The following SMURF2 variants were observed in gnomAD, a reference collection of about 807,000 sequenced individuals.
SMURF2 encodes SMAD specific E3 ubiquitin protein ligase 2, also known as E3 ubiquitin-protein ligase SMURF2.
SMURF2 carries 48 observed loss-of-function variants against 109.6 expected under a neutral mutation model. The observed-to-expected ratio is 0.44, with a 90% CI of 0.35 to 0.56. The LOEUF is 0.56. SMURF2 is among the 20% of genes least tolerant of loss of function. The pLI is 0.01. For missense variants in SMURF2, 575 were observed against 909.0 expected (o/e 0.63, Z 4.72); for synonymous variants, 288 against 317.1 (o/e 0.91, Z 0.97).
At position 64,545,325 on chromosome 17, in the gene SMURF2, T is replaced by C. The variant is rs1476112751; in HGVS notation, c.*523A>G. 1.3e-5 allele frequency: 2 copies of C among 152,658 alleles called. No homozygotes were observed. Among genetic ancestry groups the C allele is most frequent in the Non-Finnish European group, 2.9e-5 (2 of 68,046 alleles). 9.5% of individuals were successfully genotyped at this position (152,658 alleles called of 1,614,324 possible). Reference sequence around the variant, plus strand: ...TGTAAATGGCTTAATTTCTTAAAGATGATTCTTTTAGCCAATTGTTTACAA... The same window carrying C: ...TGTAAATGGCTTAATTTCTTAAAGACGATTCTTTTAGCCAATTGTTTACAA... On this transcript the variant is annotated 3_prime_UTR_variant, in exon 19 of 19. Transcript: ENST00000262435.
chr17:64,646,495 C>CA (rs1970561755), intron 1 of SMURF2, among the ~76,000 whole-genome samples: 1 of 151,738 alleles, frequency 6.6e-6, no homozygotes, highest in Admixed American at 6.6e-5. Flanking sequence ...GCCATCCTCC[C>CA]ACCTCAGCCT....
Position 64,581,033 on chromosome 17 carries a change from AT to A in SMURF2, c.570-43del. On this transcript the variant is annotated intron_variant, in intron 7 of 18. Coordinates refer to ENST00000262435, the MANE Select transcript of SMURF2 (RefSeq NM_022739.4). This position sits in a 1 kb window ranked among gnomAD's most constrained non-coding sequence, Gnocchi z 4.3. ...AGGAAAAGATGTTATCAATTTAGAT[AT>A]CAAAAGTAGAGTTCTCTAGACAATA... The A allele has an allele frequency of 6.3e-7, 1 of 1,583,036 alleles. No individual in the cohort carries two copies. Among genetic ancestry groups the A allele is most frequent in the African/African-American group, 1.3e-5 (1 of 74,324 alleles).
chr17:64,556,441 C>T (rs1555684056), intron 13 of SMURF2, among the ~76,000 whole-genome samples: 2 of 152,156 alleles, frequency 1.3e-5, no homozygotes, highest in African/African-American at 4.8e-5. Context: ...TGGTGTCAGA[C>T]TTGAATTAGA....
intron 3 of SMURF2, among the ~76,000 whole-genome samples, chr17:64,597,834 A>G (rs1452010326): frequency 5.3e-5 from 8 of 152,082 alleles, no homozygotes; most frequent in African/African-American, 1.2e-4. Flanking sequence ...AATAAAATAC[A>G]TATCTAGAAA....
At chr17:64,556,212 AG>A (rs1204570193) in intron 13 of SMURF2, among the ~76,000 whole-genome samples, 1 of 152,112 alleles carries the variant, frequency 6.6e-6, no homozygotes, top group African/African-American at 2.4e-5. Flanking sequence ...CCCTTCTCGC[AG>A]GGGCCAGTCA....
chr17:64,605,265 G>C (rs1555688928), intron 2 of SMURF2, among the ~76,000 whole-genome samples: 3 of 152,060 alleles, frequency 2.0e-5, no homozygotes, highest in Non-Finnish European at 4.4e-5. Flanking sequence ...TGCGTCCTAT[G>C]TTCCAAATTA....
chr17:64,661,368 G>A (rs73997005), intron 1 of SMURF2, among the ~76,000 whole-genome samples: 2,224 of 152,096 alleles, frequency 0.015, 53 homozygotes, highest in African/African-American at 0.052. Context: ...GTAACAACCC[G>A]GGAACACACA....
At chr17:64,609,403 G>A (rs183834388) in intron 1 of SMURF2, among the ~76,000 whole-genome samples, 35 of 152,216 alleles carry the variant, frequency 2.3e-4, no homozygotes, top group African/African-American at 5.3e-4. Context: ...AAAACAGCAC[G>A]GTACTGGTAC....
intron 1 of SMURF2, among the ~76,000 whole-genome samples, chr17:64,631,342 CAGAG>C (rs1192486030): frequency 1.1e-5 from 1 of 90,358 alleles, no homozygotes; most frequent in Non-Finnish European, 2.3e-5. Flanking sequence ...GAGAGAGAGA[CAGAG>C]AGATGAAAAC....
At chr17:64,559,936 TAG>T (rs1555684378) in intron 12 of SMURF2, among the ~76,000 whole-genome samples, 1 of 151,616 alleles carries the variant, frequency 6.6e-6, no homozygotes, top group Non-Finnish European at 1.5e-5. Flanking sequence ...TAGTTTTTAG[TAG>T]AGACGGGGTT....
chr17:64,609,544 T>C (rs954982957), intron 1 of SMURF2, among the ~76,000 whole-genome samples: 2 of 152,144 alleles, frequency 1.3e-5, no homozygotes, highest in Non-Finnish European at 2.9e-5. Context: ...ATGTAATAAA[T>C]GGTGTTGGGA....
intron 9 of SMURF2, among the ~76,000 whole-genome samples, chr17:64,576,836 G>GTTCCGTTA (rs1375312078): frequency 8.2e-6 from 1 of 121,830 alleles, no homozygotes; most frequent in Non-Finnish European, 1.8e-5. Flanking sequence ...AAGGGTATGT[G>GTTCCGTTA]TTCCGTTATT....
chr17:64,631,292 GAGAGA>G (rs1970342593), intron 1 of SMURF2, among the ~76,000 whole-genome samples: 1 of 88,580 alleles, frequency 1.1e-5, no homozygotes, highest in African/African-American at 6.5e-5. Flanking sequence ...GAGAGAGAGA[GAGAGA>G]GAGAGAGAGA....
intron 1 of SMURF2, among the ~76,000 whole-genome samples, chr17:64,653,328 T>C (rs1970663027): frequency 6.6e-6 from 1 of 151,954 alleles, no homozygotes; most frequent in African/African-American, 2.4e-5. Flanking sequence ...GAAGTAAAAA[T>C]TAAAGTACCA....
At position 64,661,872 on chromosome 17, in the gene SMURF2, G is replaced by C. The variant is rs923045599; in HGVS notation, c.9C>G (p.Asn3Lys). The C allele has an allele frequency of 2.5e-6, 3 of 1,213,674 alleles. No homozygotes were observed. The highest frequency in any genetic ancestry group is 3.2e-5 in the African/African-American group (2 of 63,134). The allele number at this position is 1,213,674 out of a possible 1,614,324, so 75.2% of individuals were successfully genotyped here. A position where few individuals can be genotyped will look rare whatever the true frequency, so the allele number is the denominator to read the frequency against. MS[N>K]PGGRRNGPVK... ...CGGGCCCGTTCCTCCGGCCTCCGGG[G>C]TTAGACATGTCCCCGGCGGCGGGGG... The change falls in exon 1 of 19, where the codon AAC becomes AAG. Residue 3 changes from asparagine to lysine, a missense_variant. By Grantham distance (94) the Asn-to-Lys change is moderately conservative. Transcript: ENST00000262435.
intron 6 of SMURF2, among the ~76,000 whole-genome samples, chr17:64,584,377 T>TTTTTTTTTTTTA (rs1969621585): frequency 6.9e-6 from 1 of 145,540 alleles, no homozygotes; most frequent in African/African-American, 2.7e-5. Context: ...TTTTTTTTTT[T>TTTTTTTTTTTTA]GAGACAGAGT....
At chr17:64,632,582 C>T (rs891851207) in intron 1 of SMURF2, among the ~76,000 whole-genome samples, 1 of 152,188 alleles carries the variant, frequency 6.6e-6, no homozygotes, top group Non-Finnish European at 1.5e-5. Flanking sequence ...CCTATTTGAC[C>T]TAAAACCTGG....
Position 64,662,292 on chromosome 17 carries a change from A to AC in SMURF2, c.-413dup. 2 of 972,492 alleles carry AC rather than the reference A, an allele frequency of 2.1e-6. No homozygotes were observed. The highest frequency in any genetic ancestry group is 2.4e-6 in the Non-Finnish European group (2 of 822,344). The allele number at this position is 972,492 out of a possible 1,614,324, so 60.2% of individuals were successfully genotyped here. A position where few individuals can be genotyped will look rare whatever the true frequency, so the allele number is the denominator to read the frequency against. On this transcript the variant is annotated 5_prime_UTR_variant, in exon 1 of 19. Transcript: ENST00000262435. Reference sequence around the variant, plus strand: ...TCTGGGCTCGGCCGCTTCCTCCTCCACCCGCCCTCTTGTCTGAGGGACCCG... The same window carrying AC: ...TCTGGGCTCGGCCGCTTCCTCCTCCACCCCGCCCTCTTGTCTGAGGGACCCG...
chr17:64,656,653 T>TA (rs139409210), intron 1 of SMURF2, among the ~76,000 whole-genome samples: 4 of 150,016 alleles, frequency 2.7e-5, no homozygotes, highest in Non-Finnish European at 4.4e-5. Flanking sequence ...GGAAGCATCC[T>TA]AAAAAAAAAG....
Sources: allele counts gnomAD v4.1 joint callset (sites outside exome capture counted in the v4.1 genomes callset), GRCh38; gene constraint gnomAD v4.1.1; non-coding constraint Gnocchi (gnomAD v3.1); transcripts MANE v1.5; gene names NCBI Gene and HGNC (gene_info 2026-07-23, HGNC 2026-07-21).